INPP5A: variants seen among roughly 807,000 people sequenced by gnomAD.
The protein encoded by INPP5A is 43 kDa inositol polyphosphate 5-phophatase.
A neutral mutation model predicts 65.2 loss-of-function variants in INPP5A; 14 were observed. The observed-to-expected ratio is 0.21, with a 90% CI of 0.14 to 0.34. The LOEUF (loss-of-function observed/expected upper bound fraction) is 0.34, where lower values mean the gene tolerates loss of function less well. INPP5A is among the 10% of genes least tolerant of loss of function. The probability of loss-of-function intolerance (pLI) is 1.00; values close to 1 mark genes in which losing one functional copy is unlikely to be tolerated. For synonymous variants in INPP5A, 207 were observed against 208.3 expected (o/e 0.99, Z 0.05); for missense variants, 431 against 545.6 (o/e 0.79, Z 2.09).
chr10:132,712,315 T>G (rs1467297847), intron 8 of INPP5A, among the ~76,000 whole-genome samples: 1 of 151,798 alleles, frequency 6.6e-6, no homozygotes, highest in African/African-American at 2.4e-5. Context: ...CAGTTGCTTG[T>G]GGGGTTTGTG....
At position 132,538,945 on chromosome 10, in the gene INPP5A, C is replaced by A. The variant is rs1397471170; in HGVS notation, c.75+774C>A. Among the ~76,000 whole-genome samples, 1 of 152,128 alleles carries A rather than the reference C, an allele frequency of 6.6e-6. No homozygotes were observed. The highest frequency in any genetic ancestry group is 1.5e-5 in the Non-Finnish European group (1 of 68,024). ...TTCAACCTCAGGCCCCAGCTTATGG[C>A]CCTGAACACTTGTCCTTGACCCCTG... is the stretch of plus-strand genomic sequence containing the variant. On this transcript the variant is annotated intron_variant, in intron 1 of 15. Coordinates refer to ENST00000368594, the MANE Select transcript of INPP5A (RefSeq NM_005539.5). This position sits in a 1 kb window ranked among gnomAD's most constrained non-coding sequence, Gnocchi z 4.1.
At chr10:132,766,819 G>A (rs1183890640) in intron 12 of INPP5A, among the ~76,000 whole-genome samples, 2 of 152,130 alleles carry the variant, frequency 1.3e-5, no homozygotes, top group Non-Finnish European at 2.9e-5. Flanking sequence ...TGTGGACTTT[G>A]CCTGTCAGCT....
intron 9 of INPP5A, among the ~76,000 whole-genome samples, chr10:132,738,939 T>G (rs1846226162): frequency 6.6e-6 from 1 of 152,184 alleles, no homozygotes; most frequent in Admixed American, 6.5e-5. Flanking sequence ...TGGGCACTTT[T>G]GTCAAGTGAT....
Position 132,710,208 on chromosome 10 carries a change from C to T in INPP5A, c.528-129C>T, listed in dbSNP as rs1240310267. 5.8e-6 allele frequency: 6 copies of T among 1,029,558 alleles called. No homozygotes were observed. In the African/African-American group the frequency reaches 6.5e-5, roughly 11 times the overall value. The allele number at this position is 1,029,558 out of a possible 1,614,324, so 63.8% of individuals were successfully genotyped here. A position where few individuals can be genotyped will look rare whatever the true frequency, so the allele number is the denominator to read the frequency against. The stretch of plus-strand genomic sequence containing the variant: ...GAAGACAGGTGGGTGGACAGGTGCC[C>T]CGCCTCGGGTGGCTCCGCACGGCGG... On this transcript the variant is annotated intron_variant, in intron 7 of 15. Coordinates refer to ENST00000368594, the MANE Select transcript of INPP5A (RefSeq NM_005539.5).
chr10:132,576,160 T>C (rs1399148763), intron 1 of INPP5A, among the ~76,000 whole-genome samples: 1 of 152,170 alleles, frequency 6.6e-6, no homozygotes, highest in Non-Finnish European at 1.5e-5. Context: ...AGGCTCCAGG[T>C]TGAGGCCAGG....
intron 5 of INPP5A, among the ~76,000 whole-genome samples, chr10:132,694,480 T>C (rs1564968234): frequency 6.6e-6 from 1 of 151,872 alleles, no homozygotes; most frequent in Non-Finnish European, 1.5e-5. Context: ...TATCTAAGCT[T>C]CTACCTTAGG....
intron 6 of INPP5A, among the ~76,000 whole-genome samples, chr10:132,701,413 G>A (rs973551836): frequency 3.9e-5 from 6 of 152,310 alleles, no homozygotes; most frequent in South Asian, 2.1e-4. Flanking sequence ...GAAGGTGGCC[G>A]GTGACCAGAA....
intron 1 of INPP5A, among the ~76,000 whole-genome samples, chr10:132,584,099 A>G (rs1001652096): frequency 6.6e-6 from 1 of 152,228 alleles, no homozygotes; most frequent in Non-Finnish European, 1.5e-5. Context: ...AAACAAACAA[A>G]CAAACAAACA....
chr10:132,707,953 C>T lies in INPP5A; in HGVS notation c.475-360C>T, dbSNP rs957709321. Among the ~76,000 whole-genome samples the T allele has an allele frequency of 6.6e-5, 10 of 152,130 alleles. No homozygotes were observed. Among genetic ancestry groups the T allele is most frequent in the Non-Finnish European group, 8.8e-5 (6 of 68,020 alleles). On this transcript the variant is annotated intron_variant, in intron 6 of 15. Transcript: ENST00000368594. The surrounding 1 kb of genome is among the most constrained non-coding windows in gnomAD (Gnocchi z 5.5). The stretch of plus-strand genomic sequence containing the variant: ...GCTCAAGTCTTCCCTGTGGTCCAGC[C>T]GAGGGCGGCCGTGTGTCTCGAGCTC...
chr10:132,735,481 G>A (rs1480602515), intron 9 of INPP5A, among the ~76,000 whole-genome samples: 1 of 152,224 alleles, frequency 6.6e-6, no homozygotes, highest in Non-Finnish European at 1.5e-5. Context: ...GGCGCCCTGG[G>A]GCGGTGTTGG....
intron 1 of INPP5A, among the ~76,000 whole-genome samples, chr10:132,543,358 C>G (rs530530896): frequency 6.6e-6 from 1 of 152,068 alleles, no homozygotes. Context: ...TTTCACTGAG[C>G]GTATGTAAAA....
At chr10:132,606,975 A>T (rs1200009072) in intron 1 of INPP5A, among the ~76,000 whole-genome samples, 2 of 152,032 alleles carry the variant, frequency 1.3e-5, no homozygotes, top group Non-Finnish European at 2.9e-5. Flanking sequence ...ACCCTTTTAG[A>T]TGCTGACTCT....
intron 11 of INPP5A, among the ~76,000 whole-genome samples, chr10:132,764,227 G>A (rs1241241283): frequency 2.0e-5 from 3 of 152,282 alleles, no homozygotes; most frequent in African/African-American, 4.8e-5. Context: ...GATAATGGAC[G>A]AGGTCACAGG....
At position 132,575,739 on chromosome 10, in the gene INPP5A, G is replaced by T. The variant is rs1032600451; in HGVS notation, c.76-32176G>T. Among the ~76,000 whole-genome samples the T allele has an allele frequency of 6.6e-6, 1 of 152,142 alleles. No individual in the cohort carries two copies. The highest frequency in any genetic ancestry group is 2.4e-5 in the African/African-American group (1 of 41,428). ...CAGGACAGCCTTTCCCCGGTTCCCTGTGTCCCTCTGGCCGTGGGCTCCCGC... is the reference window on the plus strand; with the variant it reads ...CAGGACAGCCTTTCCCCGGTTCCCTTTGTCCCTCTGGCCGTGGGCTCCCGC... On this transcript the variant is annotated intron_variant, in intron 1 of 15. Coordinates refer to ENST00000368594, the MANE Select transcript of INPP5A (RefSeq NM_005539.5). This position sits in a 1 kb window ranked among gnomAD's most constrained non-coding sequence, Gnocchi z 5.4.
At chr10:132,729,111 G>A (rs770124262) in intron 9 of INPP5A, among the ~76,000 whole-genome samples, 1 of 152,206 alleles carries the variant, frequency 6.6e-6, no homozygotes, top group Admixed American at 6.5e-5. Flanking sequence ...GTCCTGTGGG[G>A]CGTTGGGCAA....
chr10:132,563,344 A>G (rs1158740570), intron 1 of INPP5A, among the ~76,000 whole-genome samples: 3 of 152,282 alleles, frequency 2.0e-5, no homozygotes, highest in African/African-American at 7.2e-5. Context: ...GGGTGTGGAT[A>G]GCACAGCGTC....
chr10:132,759,679 G>GAACA (rs1173352438), intron 11 of INPP5A, among the ~76,000 whole-genome samples: 1 of 151,492 alleles, frequency 6.6e-6, no homozygotes, highest in Non-Finnish European at 1.5e-5. Flanking sequence ...CGGCTACAGT[G>GAACA]AACAGTCTGT....
At chr10:132,607,788 C>T in intron 1 of INPP5A, 127 bp from the exon 2 acceptor site, 1 of 906,972 alleles carries the variant, frequency 1.1e-6, no homozygotes, top group Non-Finnish European at 1.7e-6. Context: ...GGAGCTCCTC[C>T]ATGCGGGGTG....
chr10:132,567,707 T>G (rs902003509), intron 1 of INPP5A, among the ~76,000 whole-genome samples: 2 of 152,246 alleles, frequency 1.3e-5, no homozygotes, highest in African/African-American at 4.8e-5. Flanking sequence ...CTTTTGCCCC[T>G]GTGGCCTGAA....
Sources: allele counts gnomAD v4.1 joint callset (sites outside exome capture counted in the v4.1 genomes callset), GRCh38; gene constraint gnomAD v4.1.1; non-coding constraint Gnocchi (gnomAD v3.1); transcripts MANE v1.5; gene names NCBI Gene and HGNC (gene_info 2026-07-23, HGNC 2026-07-21).